The following FMN2 variants were observed in gnomAD, a reference collection of about 807,000 sequenced individuals.
FMN2 encodes the protein formin 2, also known as formin-2.
A neutral mutation model predicts 142.3 loss-of-function variants in FMN2; 51 were observed. The observed-to-expected ratio is 0.36, with a 90% CI of 0.29 to 0.45. The LOEUF (loss-of-function observed/expected upper bound fraction) is 0.45, where lower values mean the gene tolerates loss of function less well. Ranked by LOEUF, FMN2 falls within the 20% of genes least tolerant of loss-of-function variation. The pLI, the probability that FMN2 is intolerant of heterozygous loss-of-function variation, is 1.00. For missense variants in FMN2, 1,936 were observed against 2,122.8 expected, an observed-to-expected ratio of 0.91 and a Z score of 1.73; for synonymous variants, 882 against 869.8, an observed-to-expected ratio of 1.01 and a Z score of -0.25.
At chr1:240,213,948 C>T (rs1456185862) in intron 6 of FMN2, among the ~76,000 whole-genome samples, 1 of 152,206 alleles carries the variant, frequency 6.6e-6, no homozygotes, top group Admixed American at 6.5e-5. Context: ...GGGTTATTTT[C>T]TCTGGATGCT....
rs114773452 is a variant in FMN2 at position 240,343,365 on chromosome 1, A to C, written c.4765+9136A>C. On this transcript the variant is annotated intron_variant, in intron 13 of 17. Coordinates refer to ENST00000319653, the MANE Select transcript of FMN2 (RefSeq NM_020066.5). The stretch of plus-strand genomic sequence containing the variant: ...TAGAGATAGTAAATGCTCTACAAAA[A>C]GTCACATAGTGCAAGCTGAGGCTGG... Among the ~76,000 whole-genome samples, 388 of 152,332 alleles carry C rather than the reference A, an allele frequency of 2.5e-3. 1 individual carries two copies. Among genetic ancestry groups the C allele is most frequent in the African/African-American group, 8.9e-3 (370 of 41,580 alleles).
At chr1:240,419,673 G>A (rs1674700688) in intron 15 of FMN2, among the ~76,000 whole-genome samples, 1 of 152,172 alleles carries the variant, frequency 6.6e-6, no homozygotes, top group Non-Finnish European at 1.5e-5. Context: ...AGTCTACTGA[G>A]TGATGGCTGC....
At chr1:240,300,801 A>AT (rs907645434) in intron 8 of FMN2, among the ~76,000 whole-genome samples, 4 of 151,690 alleles carry the variant, frequency 2.6e-5, no homozygotes, top group African/African-American at 9.7e-5. Flanking sequence ...TCAGTATGAA[A>AT]TATTCTTCTT....
At chr1:240,400,172 A>T (rs888266744) in intron 15 of FMN2, among the ~76,000 whole-genome samples, 1 of 152,196 alleles carries the variant, frequency 6.6e-6, no homozygotes, top group Admixed American at 6.5e-5. Context: ...TTGGGATCAT[A>T]ATCAATCCCA....
intron 14 of FMN2, among the ~76,000 whole-genome samples, chr1:240,382,016 AAAG>A (rs1488949514): frequency 6.6e-6 from 1 of 152,220 alleles, no homozygotes; most frequent in Non-Finnish European, 1.5e-5. Context: ...TCAAATTGGA[AAAG>A]AAGAAGTCAG....
At chr1:240,447,542 A>G (rs12410581) in intron 16 of FMN2, among the ~76,000 whole-genome samples, 114,319 of 152,172 alleles carry the variant, frequency 0.75, 43,028 homozygotes, top group Admixed American at 0.82. Flanking sequence ...AGACAGTAAC[A>G]AGTGTTGCAG....
At chr1:240,228,853 A>G (rs1667439618) in intron 6 of FMN2, among the ~76,000 whole-genome samples, 1 of 152,168 alleles carries the variant, frequency 6.6e-6, no homozygotes, top group South Asian at 2.1e-4. Flanking sequence ...AAAGCATAAT[A>G]TAGTTTTATA....
chr1:240,189,244 A>G (rs1665608822), intron 4 of FMN2, among the ~76,000 whole-genome samples: 1 of 151,712 alleles, frequency 6.6e-6, no homozygotes, highest in Admixed American at 6.6e-5. Flanking sequence ...GCTCTTTTGG[A>G]TATAAAACCA....
intron 14 of FMN2, among the ~76,000 whole-genome samples, chr1:240,365,028 A>T (rs1490447123): frequency 2.6e-5 from 4 of 152,196 alleles, no homozygotes; most frequent in Non-Finnish European, 5.9e-5. Flanking sequence ...ACAGGACCAT[A>T]ATGGAATGTA....
chr1:240,184,504 T>C (rs533333333), intron 3 of FMN2, among the ~76,000 whole-genome samples: 5 of 149,926 alleles, frequency 3.3e-5, no homozygotes, highest in Admixed American at 1.3e-4. Context: ...ATGTGAGCCA[T>C]TGCGCCCGGC....
chr1:240,303,090 T>C (rs1285941675), intron 8 of FMN2, among the ~76,000 whole-genome samples: 1 of 152,148 alleles, frequency 6.6e-6, no homozygotes, highest in Admixed American at 6.5e-5. Context: ...TTTCCCTTCT[T>C]ATTCCAGGAA....
At chr1:240,399,028 C>T (rs1673884018) in intron 15 of FMN2, among the ~76,000 whole-genome samples, 1 of 152,202 alleles carries the variant, frequency 6.6e-6, no homozygotes, top group African/African-American at 2.4e-5. Context: ...GGTTATGGAG[C>T]ATAGATTTTG....
At chr1:240,366,417 T>G (rs1199935880) in intron 14 of FMN2, among the ~76,000 whole-genome samples, 1 of 152,204 alleles carries the variant, frequency 6.6e-6, no homozygotes, top group Non-Finnish European at 1.5e-5. Flanking sequence ...GCAACTTAGT[T>G]TTTTCTCCAC....
At chr1:240,255,240 T>C (rs964134607) in intron 6 of FMN2, among the ~76,000 whole-genome samples, 2 of 152,186 alleles carry the variant, frequency 1.3e-5, no homozygotes, top group African/African-American at 4.8e-5. Context: ...ATTTCTTGAA[T>C]TCCAATGTTC....
intron 16 of FMN2, among the ~76,000 whole-genome samples, chr1:240,443,763 AT>A (rs950149414): frequency 8.9e-5 from 13 of 146,208 alleles, no homozygotes; most frequent in African/African-American, 2.5e-4. Context: ...AAAAAAAAAA[AT>A]TTTTTTTTCA....
At chr1:240,184,955 C>G (rs56156717) in intron 3 of FMN2, among the ~76,000 whole-genome samples, 104 of 147,264 alleles carry the variant, frequency 7.1e-4, no homozygotes, top group African/African-American at 2.5e-3. Context: ...CCTTCCCCTT[C>G]TCTTTCTCCC....
chr1:240,374,943 C>T (rs1343712857), intron 14 of FMN2, among the ~76,000 whole-genome samples: 2 of 152,042 alleles, frequency 1.3e-5, no homozygotes, highest in Admixed American at 1.3e-4. Context: ...ACTTAGAGGC[C>T]TGTACAGTTT....
At chr1:240,401,663 TG>T (rs951116139) in intron 15 of FMN2, among the ~76,000 whole-genome samples, 4 of 152,350 alleles carry the variant, frequency 2.6e-5, no homozygotes, top group South Asian at 2.1e-4. Flanking sequence ...ATAGCTGAGT[TG>T]GGCTATCAGA....
At chr1:240,221,437 G>T (rs1453527603) in intron 6 of FMN2, among the ~76,000 whole-genome samples, 1 of 152,106 alleles carries the variant, frequency 6.6e-6, no homozygotes, top group African/African-American at 2.4e-5. Flanking sequence ...GTATCTCATT[G>T]TGTTTTTGAT....
Sources: allele counts gnomAD v4.1 joint callset (sites outside exome capture counted in the v4.1 genomes callset), GRCh38; gene constraint gnomAD v4.1.1; transcripts MANE v1.5; gene names NCBI Gene and HGNC (gene_info 2026-07-23, HGNC 2026-07-21).